CACNA1A: variants seen among roughly 807,000 people sequenced by gnomAD.
CACNA1A encodes voltage-dependent P/Q-type calcium channel subunit alpha-1A.
Under a neutral mutation model 262.4 loss-of-function variants are expected in CACNA1A, and 57 were observed. That is an observed-to-expected ratio of 0.22 (90% confidence interval 0.18 to 0.27). The LOEUF is 0.27. Ranked by LOEUF, CACNA1A falls within the 10% of genes least tolerant of loss-of-function variation. CACNA1A has a pLI of 1.00. For synonymous variants in CACNA1A, 1,431 were observed against 1,419.3 expected (o/e 1.01, Z -0.18); for missense variants, 2,526 against 3,562.8 (o/e 0.71, Z 7.41).
At chr19:13,430,060 G>T (rs916639655) in intron 3 of CACNA1A, among the ~76,000 whole-genome samples, 3 of 149,856 alleles carry the variant, frequency 2.0e-5, no homozygotes, top group Non-Finnish European at 4.4e-5. Flanking sequence ...TTTCCTGGGG[G>T]CAGAGCTTCA....
intron 22 of CACNA1A, among the ~76,000 whole-genome samples, chr19:13,279,601 T>C (rs950853186): frequency 6.6e-6 from 1 of 152,122 alleles, no homozygotes; most frequent in African/African-American, 2.4e-5. Flanking sequence ...TTCTTCTGCC[T>C]CAGCCTCCAA....
At chr19:13,467,878 T>C (rs1055158734) in intron 1 of CACNA1A, among the ~76,000 whole-genome samples, 1 of 152,150 alleles carries the variant, frequency 6.6e-6, no homozygotes, top group Admixed American at 6.5e-5. Context: ...GTGCTGAGAT[T>C]ACAGGCATGA....
At chr19:13,376,655 ACAT>A (rs1384625763) in intron 3 of CACNA1A, among the ~76,000 whole-genome samples, 39 of 146,526 alleles carry the variant, frequency 2.7e-4, no homozygotes, top group East Asian at 2.0e-3. Context: ...GATACACTAC[ACAT>A]AATATATGTT....
At position 13,441,812 on chromosome 19, in the gene CACNA1A, A is replaced by G. The variant is rs191743995; in HGVS notation, c.539+11064T>C. 2.3e-3 allele frequency among the ~76,000 whole-genome samples: 352 copies of G among 152,248 alleles called. 2 individuals are homozygous for G. Among genetic ancestry groups the G allele is most frequent in the African/African-American group, 8.0e-3 (331 of 41,558 alleles). On this transcript the variant is annotated intron_variant, in intron 3 of 46. Transcript: ENST00000360228. ...CATTAGGCATGCAAACTGTAGAGGC[A>G]GTGGGACAGATGCCCCTTGGAGGCA... is the stretch of plus-strand genomic sequence containing the variant.
At chr19:13,314,658 A>C (rs1203448904) in intron 11 of CACNA1A, among the ~76,000 whole-genome samples, 3 of 152,202 alleles carry the variant, frequency 2.0e-5, no homozygotes, top group Non-Finnish European at 2.9e-5. Context: ...GTGAGAAAAT[A>C]AATTTCTGTT....
At chr19:13,432,103 C>CAAAAAA (rs71170513) in intron 3 of CACNA1A, among the ~76,000 whole-genome samples, 32 of 64,384 alleles carry the variant, frequency 5.0e-4, no homozygotes, top group African/African-American at 1.2e-3. Context: ...GACTCCGTCT[C>CAAAAAA]AAAAAAAAAA....
intron 29 of CACNA1A, among the ~76,000 whole-genome samples, chr19:13,253,445 CTTTTTTT>C (rs57960659): frequency 6.4e-5 from 6 of 94,230 alleles, no homozygotes; most frequent in African/African-American, 2.2e-4. Context: ...CTGAATTATA[CTTTTTTT>C]TTTTTTTTTT....
chr19:13,298,758 G>A lies in CACNA1A; in HGVS notation c.2875C>T (p.Arg959Cys), dbSNP rs2144953917. ...TCCTCCCCGGGCCTGCGGTGCGCGCGATGACGTCGATGCTCCCCGTCCGCG... is the reference window on the plus strand; with the variant it reads ...TCCTCCCCGGGCCTGCGGTGCGCGCAATGACGTCGATGCTCCCCGTCCGCG... ...TGADGEHRRH[R>C]AHRRPGEEGP... The change falls in exon 19 of 47, where the codon CGC becomes TGC. Residue 959 changes from arginine (R) to cysteine (C), a missense_variant. Around this residue, in one of 17 missense-constraint regions of CACNA1A, gnomAD observed 765 missense variants for 748.6 expected, o/e 1.02. Coordinates refer to ENST00000360228, the MANE Select transcript of CACNA1A (RefSeq NM_001127222.2). 1 of 1,513,454 alleles carries A rather than the reference G, an allele frequency of 6.6e-7. No homozygotes were observed. The highest frequency in any genetic ancestry group is 2.7e-5 in the East Asian group (1 of 37,232). 93.8% of individuals were successfully genotyped at this position (1,513,454 alleles called of 1,614,324 possible). A position where few individuals can be genotyped will look rare whatever the true frequency, so the allele number is the denominator to read the frequency against.
At chr19:13,420,098 A>G (rs112778257) in intron 3 of CACNA1A, among the ~76,000 whole-genome samples, 70 of 152,018 alleles carry the variant, frequency 4.6e-4, no homozygotes, top group African/African-American at 1.7e-3. Flanking sequence ...AAATAAAAAT[A>G]AATTAAAAAA....
At chr19:13,446,595 C>G (rs1382425338) in intron 3 of CACNA1A, among the ~76,000 whole-genome samples, 1 of 149,728 alleles carries the variant, frequency 6.7e-6, no homozygotes, top group Non-Finnish European at 1.5e-5. Context: ...GTGCACACCA[C>G]ACCACCATGC....
intron 3 of CACNA1A, among the ~76,000 whole-genome samples, chr19:13,442,343 GTA>G (rs1426893129): frequency 6.6e-6 from 1 of 152,132 alleles, no homozygotes; most frequent in Non-Finnish European, 1.5e-5. Context: ...GGAAGCCAGG[GTA>G]TTTATACACT....
chr19:13,334,084 G>A (rs2145131377), intron 8 of CACNA1A: 2 of 326,404 alleles, frequency 6.1e-6, no homozygotes, highest in Non-Finnish European at 1.1e-5. Flanking sequence ...TAACAGCTGA[G>A]GAAACGGAGG....
Position 13,439,614 on chromosome 19 carries a change from C to A in CACNA1A, c.539+13262G>T, listed in dbSNP as rs550843552. ...TTTTAGTAGAGACGGGGTTTCACCA[C>A]GTTAGCCAGGATGGTCTCGATCTCC... On this transcript the variant is annotated intron_variant, in intron 3 of 46. Transcript: ENST00000360228. 2.9e-3 allele frequency among the ~76,000 whole-genome samples: 428 copies of A among 148,390 alleles called. 1 individual carries two copies. The highest frequency in any genetic ancestry group is 0.01 in the African/African-American group (403 of 40,210).
chr19:13,448,581 A>C (rs1385983693), intron 3 of CACNA1A, among the ~76,000 whole-genome samples: 2 of 152,242 alleles, frequency 1.3e-5, no homozygotes, highest in African/African-American at 4.8e-5. Flanking sequence ...CTCAGCCAGC[A>C]GAAGCCAGCC....
At chr19:13,445,140 CAAA>C (rs146865083) in intron 3 of CACNA1A, among the ~76,000 whole-genome samples, 1 of 104,092 alleles carries the variant, frequency 9.6e-6, no homozygotes. Flanking sequence ...AACTCCGTCT[CAAA>C]AAAAAAAAAA....
At chr19:13,278,998 G>A (rs1568487876) in intron 22 of CACNA1A, among the ~76,000 whole-genome samples, 1 of 152,096 alleles carries the variant, frequency 6.6e-6, no homozygotes, top group Non-Finnish European at 1.5e-5. Flanking sequence ...CTGGTCAAAG[G>A]CCTGGTGGTT....
Position 13,214,370 on chromosome 19 carries a change from G to T in CACNA1A, c.5840-37C>A. ...CACACGGTGAGCTCACCAAGGGCAGGCCTCTTTGGGGCCCTTGTCCTGGGT... is the reference window on the plus strand; with the variant it reads ...CACACGGTGAGCTCACCAAGGGCAGTCCTCTTTGGGGCCCTTGTCCTGGGT... On this transcript the variant is annotated intron_variant, in intron 39 of 46. Transcript: ENST00000360228. This position sits in a 1 kb window ranked among gnomAD's most constrained non-coding sequence, Gnocchi z 4.1. 6.3e-7 allele frequency: 1 copy of T among 1,599,220 alleles called. No individual in the cohort carries two copies. The highest frequency in any genetic ancestry group is 8.6e-7 in the Non-Finnish European group (1 of 1,168,694).
At chr19:13,234,303 T>TCG (rs1212948559) in intron 34 of CACNA1A, among the ~76,000 whole-genome samples, 1 of 123,582 alleles carries the variant, frequency 8.1e-6, no homozygotes, top group Non-Finnish European at 1.6e-5. Flanking sequence ...TGAGCCGAGA[T>TCG]CGCGCCACTG....
intron 3 of CACNA1A, among the ~76,000 whole-genome samples, chr19:13,397,142 T>C (rs1285797805): frequency 6.6e-6 from 1 of 152,214 alleles, no homozygotes; most frequent in Non-Finnish European, 1.5e-5. Flanking sequence ...GAGGAATGAA[T>C]GGTTCATGAA....
Sources: allele counts gnomAD v4.1 joint callset (sites outside exome capture counted in the v4.1 genomes callset), GRCh38; gene constraint gnomAD v4.1.1; regional missense constraint gnomAD v4.1.1; non-coding constraint Gnocchi (gnomAD v3.1); transcripts MANE v1.5; gene names NCBI Gene and HGNC (gene_info 2026-07-23, HGNC 2026-07-21).